The following PTPRK variants were observed in gnomAD, a reference collection of about 807,000 sequenced individuals.
PTPRK encodes protein tyrosine phosphatase receptor type K.
Under a neutral mutation model 178.0 loss-of-function variants are expected in PTPRK, and 75 were observed. The ratio of observed to expected loss-of-function variants is 0.42; its 90% CI spans 0.35 to 0.51. The LOEUF is 0.51. Ranked by LOEUF, PTPRK falls within the 20% of genes least tolerant of loss-of-function variation. PTPRK has a pLI of 0.02. For missense variants in PTPRK, 1,441 were observed against 1,797.8 expected (o/e 0.80, Z 3.59); for synonymous variants, 637 against 620.6 (o/e 1.03, Z -0.39).
chr6:128,160,689 G>A (rs1562699855), intron 7 of PTPRK, among the ~76,000 whole-genome samples: 1 of 151,616 alleles, frequency 6.6e-6, no homozygotes, highest in Non-Finnish European at 1.5e-5. Context: ...TAAATTGAAT[G>A]TAATAATGGA....
intron 22 of PTPRK, among the ~76,000 whole-genome samples, chr6:127,984,854 T>A (rs1407465356): frequency 6.6e-6 from 1 of 150,726 alleles, no homozygotes; most frequent in East Asian, 1.9e-4. Context: ...GAAAGGAAGT[T>A]TTTTTTGTTT....
intron 7 of PTPRK, among the ~76,000 whole-genome samples, chr6:128,129,805 C>T (rs981168751): frequency 6.6e-6 from 1 of 152,104 alleles, no homozygotes; most frequent in African/African-American, 2.4e-5. Context: ...TCCCTACTCC[C>T]ATTTTGTATA....
intron 2 of PTPRK, among the ~76,000 whole-genome samples, chr6:128,393,314 C>T (rs1474684916): frequency 6.6e-6 from 1 of 152,114 alleles, no homozygotes; most frequent in Non-Finnish European, 1.5e-5. Flanking sequence ...TGGTCTCGAA[C>T]TCCTAACCTC....
At chr6:128,380,072 C>T (rs1346042856) in intron 2 of PTPRK, among the ~76,000 whole-genome samples, 1 of 152,048 alleles carries the variant, frequency 6.6e-6, no homozygotes, top group Non-Finnish European at 1.5e-5. Context: ...AAACCCTGCT[C>T]AGCCTGGATG....
intron 1 of PTPRK, among the ~76,000 whole-genome samples, chr6:128,513,513 G>GAAAGAAAT (rs375756355): frequency 1.3e-5 from 2 of 149,272 alleles, no homozygotes; most frequent in African/African-American, 4.9e-5. Context: ...AAGAAAGAAA[G>GAAAGAAAT]AAATAAAGAA....
intron 7 of PTPRK, among the ~76,000 whole-genome samples, chr6:128,164,572 A>G (rs1217527067): frequency 6.6e-6 from 1 of 151,392 alleles, no homozygotes; most frequent in African/African-American, 2.4e-5. Flanking sequence ...TACAAGATCA[A>G]TATCTTCATC....
chr6:128,224,577 G>T (rs1220777893), intron 5 of PTPRK, among the ~76,000 whole-genome samples: 1 of 152,126 alleles, frequency 6.6e-6, no homozygotes. Flanking sequence ...TAGATATATT[G>T]TATCAAAATC....
chr6:128,405,222 C>A (rs1841513427), intron 1 of PTPRK, among the ~76,000 whole-genome samples: 1 of 152,170 alleles, frequency 6.6e-6, no homozygotes, highest in Admixed American at 6.5e-5. Context: ...ATCATTAACA[C>A]TATACTATCA....
At chr6:128,147,217 AAT>A (rs138564392) in intron 7 of PTPRK, among the ~76,000 whole-genome samples, 42 of 152,314 alleles carry the variant, frequency 2.8e-4, no homozygotes, top group African/African-American at 1.0e-3. Flanking sequence ...AACATTTATG[AAT>A]AAAGATGACA....
At chr6:128,435,298 T>C (rs1845447526) in intron 1 of PTPRK, among the ~76,000 whole-genome samples, 1 of 152,226 alleles carries the variant, frequency 6.6e-6, no homozygotes, top group South Asian at 2.1e-4. Flanking sequence ...TCAAACTTTA[T>C]AATTTTCAAA....
intron 2 of PTPRK, among the ~76,000 whole-genome samples, chr6:128,373,498 G>T (rs191598535): frequency 6.6e-6 from 1 of 152,142 alleles, no homozygotes; most frequent in African/African-American, 2.4e-5. Flanking sequence ...GTTTCTGGGG[G>T]TGTGGCATTA....
chr6:128,375,603 T>A (rs1420005913), intron 2 of PTPRK, among the ~76,000 whole-genome samples: 7 of 152,164 alleles, frequency 4.6e-5, no homozygotes, highest in Middle Eastern at 6.8e-3. Flanking sequence ...CGAAATCTCA[T>A]AACTTCATAT....
chr6:128,302,900 CA>C (rs1825855678), intron 3 of PTPRK, among the ~76,000 whole-genome samples: 1 of 152,082 alleles, frequency 6.6e-6, no homozygotes, highest in African/African-American at 2.4e-5. Context: ...GGCTGGCCCA[CA>C]GTCACCTAAA....
At chr6:128,389,586 A>T (rs1192239770) in intron 2 of PTPRK, among the ~76,000 whole-genome samples, 3 of 151,934 alleles carry the variant, frequency 2.0e-5, no homozygotes, top group Non-Finnish European at 2.9e-5. Flanking sequence ...CACTCCTACC[A>T]GGGAAAAGAA....
At chr6:128,460,027 AG>A (rs1420175751) in intron 1 of PTPRK, among the ~76,000 whole-genome samples, 2 of 152,266 alleles carry the variant, frequency 1.3e-5, no homozygotes, top group African/African-American at 4.8e-5. Flanking sequence ...GAACTCTACC[AG>A]GAGAACAGCA....
intron 5 of PTPRK, among the ~76,000 whole-genome samples, chr6:128,224,095 G>T (rs1251416704): frequency 6.6e-6 from 1 of 152,130 alleles, no homozygotes; most frequent in Non-Finnish European, 1.5e-5. Flanking sequence ...TCTGCTTTGA[G>T]TTTTTATATA....
chr6:128,428,181 A>C (rs2128391788), intron 1 of PTPRK, among the ~76,000 whole-genome samples: 1 of 152,302 alleles, frequency 6.6e-6, no homozygotes, highest in Non-Finnish European at 1.5e-5. Context: ...CTGTGAAATG[A>C]CAAATCTGCT....
intron 7 of PTPRK, among the ~76,000 whole-genome samples, chr6:128,152,405 A>C (rs2114565209): frequency 1.3e-5 from 2 of 152,132 alleles, no homozygotes; most frequent in East Asian, 1.9e-4. Context: ...TATTCAATGA[A>C]GTCTGACAAA....
At chr6:128,383,860 T>C (rs1227989607) in intron 2 of PTPRK, among the ~76,000 whole-genome samples, 1 of 152,172 alleles carries the variant, frequency 6.6e-6, no homozygotes. Context: ...CATTAGTAGA[T>C]TACATTCAGA....
Sources: allele counts gnomAD v4.1 joint callset (sites outside exome capture counted in the v4.1 genomes callset), GRCh38; gene constraint gnomAD v4.1.1; transcripts MANE v1.5; gene names NCBI Gene and HGNC (gene_info 2026-07-23, HGNC 2026-07-21).